ADK: variants seen among roughly 807,000 people sequenced by gnomAD.
The protein encoded by ADK is adenosine kinase, also known as N6,N6-dimethyladenosine kinase.
Under a neutral mutation model 44.7 loss-of-function variants are expected in ADK, and 24 were observed. The observed-to-expected ratio is 0.54, with a 90% CI of 0.39 to 0.76. The LOEUF (loss-of-function observed/expected upper bound fraction) is 0.76. ADK is among the 30% of genes least tolerant of loss of function. ADK has a pLI of 0.00. For missense variants in ADK, 321 were observed against 425.1 expected, an observed-to-expected ratio of 0.76 and a Z score of 2.15; for synonymous variants, 128 against 142.6, an observed-to-expected ratio of 0.90 and a Z score of 0.73.
At chr10:74,350,187 G>A (rs1255038381) in intron 4 of ADK, among the ~76,000 whole-genome samples, 2 of 152,136 alleles carry the variant, frequency 1.3e-5, no homozygotes, top group African/African-American at 4.8e-5. Flanking sequence ...CTCAGCAAAT[G>A]CAAAAGAATG....
chr10:74,509,947 G>A (rs1205252743), intron 6 of ADK, among the ~76,000 whole-genome samples: 1 of 151,908 alleles, frequency 6.6e-6, no homozygotes, highest in African/African-American at 2.4e-5. Context: ...GTTTTTCTTT[G>A]TGTATACATT....
intron 1 of ADK, among the ~76,000 whole-genome samples, chr10:74,184,043 G>C (rs1041084978): frequency 6.6e-6 from 1 of 151,664 alleles, no homozygotes; most frequent in Non-Finnish European, 1.5e-5. Flanking sequence ...TCAGCCTCCC[G>C]AGTAGCTGGG....
intron 6 of ADK, among the ~76,000 whole-genome samples, chr10:74,447,436 A>G (rs1845625778): frequency 6.6e-6 from 1 of 152,118 alleles, no homozygotes; most frequent in Non-Finnish European, 1.5e-5. Context: ...ACAAATATGA[A>G]TTTCCTTTAC....
intron 7 of ADK, among the ~76,000 whole-genome samples, chr10:74,583,988 G>A (rs1851452129): frequency 6.6e-6 from 1 of 152,120 alleles, no homozygotes; most frequent in Non-Finnish European, 1.5e-5. Context: ...CTAGAGCGAG[G>A]GCTCAGAGAG....
chr10:74,530,329 C>G (rs1305422286), intron 7 of ADK, among the ~76,000 whole-genome samples: 1 of 151,902 alleles, frequency 6.6e-6, no homozygotes, highest in Non-Finnish European at 1.5e-5. Context: ...TATTTCCCCC[C>G]TCAAAAAAAT....
At chr10:74,481,242 A>G (rs1011993625) in intron 6 of ADK, among the ~76,000 whole-genome samples, 1 of 152,140 alleles carries the variant, frequency 6.6e-6, no homozygotes, top group Non-Finnish European at 1.5e-5. Context: ...GTTTCAGATT[A>G]TTGCCATTAT....
intron 6 of ADK, among the ~76,000 whole-genome samples, chr10:74,466,418 A>C (rs906233061): frequency 6.6e-6 from 1 of 152,160 alleles, no homozygotes; most frequent in African/African-American, 2.4e-5. Flanking sequence ...GTCCCTACTT[A>C]CCTATCCTAC....
intron 1 of ADK, among the ~76,000 whole-genome samples, chr10:74,168,923 AT>A: frequency 6.6e-6 from 1 of 152,072 alleles, no homozygotes. Context: ...AATAAGGAAA[AT>A]CTTTTAGATA....
At chr10:74,696,435 G>A (rs972171916) in intron 10 of ADK, among the ~76,000 whole-genome samples, 10 of 150,216 alleles carry the variant, frequency 6.7e-5, no homozygotes, top group African/African-American at 2.2e-4. Flanking sequence ...GCCCGATCTC[G>A]GCTCACTGCA....
At chr10:74,522,245 G>T (rs971503612) in intron 6 of ADK, among the ~76,000 whole-genome samples, 1 of 152,158 alleles carries the variant, frequency 6.6e-6, no homozygotes, top group Non-Finnish European at 1.5e-5. Flanking sequence ...GACAAAAGGG[G>T]TATGATCTAA....
At chr10:74,177,012 G>C in intron 1 of ADK, 1 of 1,358,830 alleles carries the variant, frequency 7.4e-7, no homozygotes, top group East Asian at 2.4e-5. Context: ...CCTCGTGTTG[G>C]GGGTTCCCTC....
intron 7 of ADK, among the ~76,000 whole-genome samples, chr10:74,573,417 G>C (rs1009486297): frequency 6.6e-6 from 1 of 152,198 alleles, no homozygotes; most frequent in Admixed American, 6.5e-5. Flanking sequence ...GCCCCTACTG[G>C]GGGATGCCTC....
At chr10:74,432,381 C>G (rs1845031898) in intron 6 of ADK, among the ~76,000 whole-genome samples, 1 of 152,026 alleles carries the variant, frequency 6.6e-6, no homozygotes, top group African/African-American at 2.4e-5. Flanking sequence ...TATTTCCATG[C>G]TATTGAGGGA....
intron 10 of ADK, among the ~76,000 whole-genome samples, chr10:74,685,284 A>T (rs1855746257): frequency 6.6e-6 from 1 of 152,234 alleles, no homozygotes; most frequent in African/African-American, 2.4e-5. Context: ...CTTTATGGTA[A>T]ACTTTTTATG....
Position 74,550,371 on chromosome 10 carries a change from G to A in ADK, c.726+24945G>A, listed in dbSNP as rs185858549. On this transcript the variant is annotated intron_variant, in intron 7 of 10. Transcript: ENST00000539909. ...CAGGTACGAGCCACCACGTCCAGCCGAGAACCCAATCACTTTTGACTCTGC... is the reference window on the plus strand; with the variant it reads ...CAGGTACGAGCCACCACGTCCAGCCAAGAACCCAATCACTTTTGACTCTGC... Among the ~76,000 whole-genome samples the A allele has an allele frequency of 2.2e-4, 34 of 151,798 alleles. 1 individual carries two copies. Among genetic ancestry groups the A allele is most frequent in the Admixed American group, 5.9e-4 (9 of 15,224 alleles).
intron 8 of ADK, 135 bp from the exon 9 acceptor site, chr10:74,600,244 A>C (rs1852067061): frequency 1.7e-6 from 1 of 600,206 alleles, no homozygotes; most frequent in African/African-American, 1.9e-5. Context: ...TATATGGTTA[A>C]AGAAATTTTT....
rs57958159 is a variant in ADK, at chr10:74,356,002, A to ATATT, written c.274-38138_274-38137insATTT. Among the ~76,000 whole-genome samples, 14 of 83,300 alleles carry ATATT rather than the reference A, an allele frequency of 1.7e-4. 2 individuals are homozygous for ATATT. The highest frequency in any genetic ancestry group is 7.1e-4 in the African/African-American group (14 of 19,612). 54.6% of individuals were successfully genotyped at this position (83,300 alleles called of 152,430 possible). On this transcript the variant is annotated intron_variant, in intron 4 of 10. Transcript: ENST00000539909. The stretch of plus-strand genomic sequence containing the variant: ...TCTGAAATATTTCACTAAATAATTC[A>ATATT]TTTTTTTTTTTTTTTTTTTTTTTTT...
intron 4 of ADK, among the ~76,000 whole-genome samples, chr10:74,391,105 A>T (rs1168436535): frequency 6.6e-6 from 1 of 152,210 alleles, no homozygotes. Flanking sequence ...CAATAAACCT[A>T]CTAAATAAAG....
intron 10 of ADK, among the ~76,000 whole-genome samples, chr10:74,681,909 A>G (rs1040581738): frequency 1.3e-5 from 2 of 152,030 alleles, no homozygotes; most frequent in African/African-American, 4.8e-5. Context: ...CCTCTTGGAA[A>G]CATATAGGTC....
Sources: allele counts gnomAD v4.1 joint callset (sites outside exome capture counted in the v4.1 genomes callset), GRCh38; gene constraint gnomAD v4.1.1; transcripts MANE v1.5; gene names NCBI Gene and HGNC (gene_info 2026-07-23, HGNC 2026-07-21).